The following CREB5 variants were observed in gnomAD, a reference collection of about 807,000 sequenced individuals.
The protein encoded by CREB5 is cAMP responsive element binding protein 5.
Under a neutral mutation model 57.1 loss-of-function variants are expected in CREB5, and 19 were observed. That is an observed-to-expected ratio of 0.33 (90% CI 0.23 to 0.49). The LOEUF is 0.49. Among genes scored for constraint, CREB5 ranks in the 20% least tolerant of loss-of-function variants. CREB5 has a pLI of 0.99. For synonymous variants in CREB5, 238 were observed against 238.3 expected (o/e 1.00, Z 0.01); for missense variants, 579 against 671.6 (o/e 0.86, Z 1.52).
At chr7:28,418,134 T>G (rs576328052) in intron 1 of CREB5, among the ~76,000 whole-genome samples, 10 of 152,218 alleles carry the variant, frequency 6.6e-5, no homozygotes, top group Non-Finnish European at 1.2e-4. Flanking sequence ...CAGAATTTTC[T>G]TCCTTCCAAG....
At chr7:28,547,473 G>A (rs1043710558) in intron 4 of CREB5, among the ~76,000 whole-genome samples, 2 of 152,194 alleles carry the variant, frequency 1.3e-5, no homozygotes, top group Non-Finnish European at 2.9e-5. Context: ...TCTTGAGGCA[G>A]TTGTTTCTTC....
rs567414148 is a variant in CREB5, at chr7:28,820,484, G to A, written c.*1205G>A. 1 of 150,998 alleles carries A rather than the reference G, an allele frequency of 6.6e-6. No individual in the cohort carries two copies. Among genetic ancestry groups the A allele is most frequent in the South Asian group, 2.1e-4 (1 of 4,754 alleles). 9.4% of individuals were successfully genotyped at this position (150,998 alleles called of 1,614,324 possible). A position where few individuals can be genotyped will look rare whatever the true frequency, so the allele number is the denominator to read the frequency against. ...GGGGGGTGAAAATAGACTAACTACT[G>A]GAGAAACAAAGAGAGAAAGAAAACC... On this transcript the variant is annotated 3_prime_UTR_variant, in exon 11 of 11. Coordinates refer to ENST00000357727, the MANE Select transcript of CREB5 (RefSeq NM_182898.4).
At chr7:28,457,791 G>A (rs960015324) in intron 1 of CREB5, among the ~76,000 whole-genome samples, 2 of 152,110 alleles carry the variant, frequency 1.3e-5, no homozygotes, top group African/African-American at 4.8e-5. Flanking sequence ...CCCTGACTTA[G>A]GACAGAATCT....
At chr7:28,593,591 A>G (rs919579773) in intron 5 of CREB5, among the ~76,000 whole-genome samples, 41 of 152,304 alleles carry the variant, frequency 2.7e-4, no homozygotes, top group African/African-American at 9.9e-4. Flanking sequence ...CTCCAGAAGA[A>G]TGGTTGGTGT....
At chr7:28,320,689 T>G (rs184411651) in intron 1 of CREB5, among the ~76,000 whole-genome samples, 123 of 152,368 alleles carry the variant, frequency 8.1e-4, no homozygotes, top group African/African-American at 2.8e-3. Flanking sequence ...GACACTTGTC[T>G]GTTTAAGCAA....
chr7:28,522,640 C>T (rs185969225), intron 4 of CREB5, among the ~76,000 whole-genome samples: 21 of 152,178 alleles, frequency 1.4e-4, no homozygotes, highest in African/African-American at 4.1e-4. Flanking sequence ...TCAAGTGATC[C>T]GCCTGCCTCA....
intron 7 of CREB5, among the ~76,000 whole-genome samples, chr7:28,800,947 T>G (rs1458552936): frequency 6.6e-6 from 1 of 152,208 alleles, no homozygotes; most frequent in Non-Finnish European, 1.5e-5. Context: ...GGCTTTGGAG[T>G]TAGAGTGGCT....
chr7:28,662,988 T>C (rs1562557141), intron 5 of CREB5, among the ~76,000 whole-genome samples: 1 of 151,446 alleles, frequency 6.6e-6, no homozygotes, highest in African/African-American at 2.4e-5. Flanking sequence ...CTACTAAAAA[T>C]ACAAAAATTA....
chr7:28,803,951 T>C (rs1485888213), intron 7 of CREB5, among the ~76,000 whole-genome samples: 1 of 152,128 alleles, frequency 6.6e-6, no homozygotes, highest in Non-Finnish European at 1.5e-5. Flanking sequence ...ATCCTGCCCA[T>C]TGGCTTTGAC....
At chr7:28,788,722 A>AGG (rs1807479969) in intron 7 of CREB5, among the ~76,000 whole-genome samples, 1 of 151,970 alleles carries the variant, frequency 6.6e-6, no homozygotes, top group South Asian at 2.1e-4. Context: ...ATTCTACAGG[A>AGG]GGAAATGAAG....
intron 5 of CREB5, among the ~76,000 whole-genome samples, chr7:28,591,714 A>G (rs2128664449): frequency 6.6e-6 from 1 of 152,296 alleles, no homozygotes; most frequent in East Asian, 1.9e-4. Context: ...CTTTTGTATT[A>G]TGTCAGGAAG....
At chr7:28,747,901 G>A (rs1218945707) in intron 7 of CREB5, among the ~76,000 whole-genome samples, 2 of 152,160 alleles carry the variant, frequency 1.3e-5, no homozygotes, top group Non-Finnish European at 2.9e-5. Flanking sequence ...CTGGATGCAG[G>A]AGAGGGAACA....
intron 4 of CREB5, among the ~76,000 whole-genome samples, chr7:28,539,300 A>G (rs1583597157): frequency 6.6e-6 from 1 of 152,234 alleles, no homozygotes; most frequent in Admixed American, 6.5e-5. Context: ...ATCCTGCTGG[A>G]TCAAATATAA....
intron 5 of CREB5, among the ~76,000 whole-genome samples, chr7:28,580,935 T>A (rs1416288411): frequency 6.6e-6 from 1 of 152,134 alleles, no homozygotes; most frequent in East Asian, 1.9e-4. Flanking sequence ...CATGAATGAG[T>A]GCTGGTACTC....
At chr7:28,534,997 G>A (rs1793895764) in intron 4 of CREB5, among the ~76,000 whole-genome samples, 2 of 141,298 alleles carry the variant, frequency 1.4e-5, no homozygotes, top group Non-Finnish European at 3.2e-5. Flanking sequence ...CTCATCCTTG[G>A]CCATGTGTTT....
chr7:28,507,757 C>T lies in CREB5; in HGVS notation c.291+20C>T, dbSNP rs201457566. 65 of 1,586,652 alleles carry T rather than the reference C, an allele frequency of 4.1e-5. No individual in the cohort carries two copies. Among genetic ancestry groups the T allele is most frequent in the Middle Eastern group, 3.4e-4 (2 of 5,970 alleles). On this transcript the variant is annotated intron_variant, in intron 4 of 10. Transcript: ENST00000357727. ...AAGCGGGTAGGTTTGCTTGGATGGC[C>T]GCCTTGAGAGGTGTCCTGCTAGAAA...
intron 7 of CREB5, among the ~76,000 whole-genome samples, chr7:28,774,170 T>G (rs1335619841): frequency 6.6e-6 from 1 of 152,226 alleles, no homozygotes; most frequent in Non-Finnish European, 1.5e-5. Flanking sequence ...CTGTTTAGAC[T>G]TGGAGAGTTT....
intron 1 of CREB5, among the ~76,000 whole-genome samples, chr7:28,362,792 A>T (rs1226330972): frequency 6.6e-6 from 1 of 152,204 alleles, no homozygotes; most frequent in Non-Finnish European, 1.5e-5. Flanking sequence ...CTTAGCAAAT[A>T]TTTTTAAATA....
chr7:28,569,140 C>T (rs1274369005), intron 4 of CREB5, among the ~76,000 whole-genome samples: 1 of 151,402 alleles, frequency 6.6e-6, no homozygotes, highest in Non-Finnish European at 1.5e-5. Flanking sequence ...CAAGCACTTT[C>T]TCTTTCTTTT....
Sources: allele counts gnomAD v4.1 joint callset (sites outside exome capture counted in the v4.1 genomes callset), GRCh38; gene constraint gnomAD v4.1.1; transcripts MANE v1.5; gene names NCBI Gene and HGNC (gene_info 2026-07-23, HGNC 2026-07-21).